HMG20A: variants seen among roughly 807,000 people sequenced by gnomAD.
The protein encoded by HMG20A is high mobility group 20A, also known as high mobility group protein 20A.
In HMG20A, 17 loss-of-function variants were observed where a neutral mutation model predicts 43.9. The observed-to-expected ratio is 0.39, with a 90% CI of 0.27 to 0.58. The LOEUF (loss-of-function observed/expected upper bound fraction) is 0.58, where lower values mean the gene tolerates loss of function less well. Ranked by LOEUF, HMG20A falls within the 20% of genes least tolerant of loss-of-function variation. The pLI, the probability that HMG20A is intolerant of heterozygous loss-of-function variation, is 0.59. For synonymous variants in HMG20A, 132 were observed against 147.5 expected (o/e 0.89, Z 0.76); for missense variants, 341 against 438.2 (o/e 0.78, Z 1.98).
At chr15:77,482,137 G>C (rs935694957) in intron 9 of HMG20A, 1 of 152,130 alleles carries the variant, frequency 6.6e-6, no homozygotes, top group African/African-American at 2.4e-5. Flanking sequence ...CTCATTCACT[G>C]GGTTTCTAAA....
downstream of HMG20A, among the ~76,000 whole-genome samples, chr15:77,487,102 G>A (rs2072949456): frequency 1.3e-5 from 2 of 152,194 alleles, no homozygotes. Context: ...ATGAGGAAAA[G>A]AGGGCAAGGA....
intron 4 of HMG20A, among the ~76,000 whole-genome samples, chr15:77,470,609 ATAACTC>A (rs766823500): frequency 2.6e-5 from 4 of 152,226 alleles, no homozygotes; most frequent in Non-Finnish European, 4.4e-5. Flanking sequence ...AGTTAGAAGA[ATAACTC>A]TAATCATCTT....
At chr15:77,490,229 A>T (rs745592256), downstream of HMG20A, among the ~76,000 whole-genome samples, 1 of 152,172 alleles carries the variant, frequency 6.6e-6, no homozygotes, top group Non-Finnish European at 1.5e-5. Flanking sequence ...TGGGGGTTGC[A>T]GTGAGCCAAG....
chr15:77,479,529 G>A (rs1292309069), intron 9 of HMG20A: 6 of 486,332 alleles, frequency 1.2e-5, no homozygotes, highest in African/African-American at 2.0e-5. Context: ...GGAGGCTGAG[G>A]TGGGAGGATT....
At chr15:77,480,863 C>T (rs2072900908) in intron 9 of HMG20A, among the ~76,000 whole-genome samples, 2 of 152,038 alleles carry the variant, frequency 1.3e-5, no homozygotes, top group South Asian at 4.2e-4. Flanking sequence ...AAACTGGCAT[C>T]CCTTTGCTCT....
At chr15:77,491,059 A>G in the HMG20A span, among the ~76,000 whole-genome samples, 2 of 152,260 alleles carry the variant, frequency 1.3e-5, no homozygotes, top group Non-Finnish European at 2.9e-5. Flanking sequence ...TAAAACTTGC[A>G]TCTGCATTTG....
At chr15:77,497,385 G>A in the HMG20A span, among the ~76,000 whole-genome samples, 2 of 152,192 alleles carry the variant, frequency 1.3e-5, no homozygotes, top group South Asian at 2.1e-4. Context: ...AGCAGCCCTC[G>A]GGCCATACCC....
intron 1 of HMG20A, among the ~76,000 whole-genome samples, chr15:77,433,106 TGCCTGTAACATCA>T (rs1238528771): frequency 1.3e-5 from 2 of 152,218 alleles, no homozygotes; most frequent in East Asian, 3.8e-4. Context: ...TGGTGGCTAA[TGCCTGTAACATCA>T]GCACTTCAGG....
chr15:77,437,763 G>A (rs1024135066), intron 1 of HMG20A, among the ~76,000 whole-genome samples: 2 of 152,018 alleles, frequency 1.3e-5, no homozygotes, highest in African/African-American at 4.8e-5. Context: ...TAGTAGAGAT[G>A]GGGTTTCACC....
chr15:77,458,012 T>G (rs988263384), intron 1 of HMG20A, among the ~76,000 whole-genome samples: 2 of 152,218 alleles, frequency 1.3e-5, no homozygotes, highest in Middle Eastern at 3.2e-3. Flanking sequence ...AGCAATTTTG[T>G]CTTAGTCTAA....
intron 1 of HMG20A, among the ~76,000 whole-genome samples, chr15:77,452,990 A>G (rs975238259): frequency 5.3e-5 from 8 of 152,194 alleles, no homozygotes; most frequent in African/African-American, 1.4e-4. Flanking sequence ...ACTTTGGGAG[A>G]CTGAGGTGGG....
chr15:77,456,543 G>T (rs890202110), intron 1 of HMG20A, among the ~76,000 whole-genome samples: 1 of 151,476 alleles, frequency 6.6e-6, no homozygotes, highest in East Asian at 1.9e-4. Context: ...TAGCTGGTGT[G>T]GTGGCACGTA....
chr15:77,496,570 G>T, the HMG20A span, among the ~76,000 whole-genome samples: 1 of 152,180 alleles, frequency 6.6e-6, no homozygotes, highest in Non-Finnish European at 1.5e-5. Context: ...TGGGACATTT[G>T]CTTTCTTCAG....
At chr15:77,465,278 A>AG (rs1237226155) in intron 3 of HMG20A, among the ~76,000 whole-genome samples, 15 of 150,394 alleles carry the variant, frequency 1.0e-4, no homozygotes, top group Admixed American at 9.9e-4. Context: ...AAAAAAAAAA[A>AG]AAAAAAAGAA....
intron 1 of HMG20A, among the ~76,000 whole-genome samples, chr15:77,421,821 T>C (rs922714653): frequency 6.6e-6 from 1 of 152,258 alleles, no homozygotes; most frequent in African/African-American, 2.4e-5. Flanking sequence ...AAAATTCTTA[T>C]GTGTAGCTTA....
intron 1 of HMG20A, among the ~76,000 whole-genome samples, chr15:77,430,241 A>G (rs907737164): frequency 1.3e-5 from 2 of 152,244 alleles, no homozygotes; most frequent in African/African-American, 2.4e-5. Flanking sequence ...TTTACATGAA[A>G]GAAAATTGAA....
the HMG20A span, among the ~76,000 whole-genome samples, chr15:77,499,393 C>T: frequency 5.3e-5 from 8 of 152,184 alleles, no homozygotes; most frequent in Non-Finnish European, 1.2e-4. Flanking sequence ...TTCCCAAACC[C>T]ACATTTTCTC....
chr15:77,470,106 G>C lies in HMG20A; in HGVS notation c.451-804G>C, dbSNP rs116230356. On this transcript the variant is annotated intron_variant, in intron 4 of 9. Coordinates refer to ENST00000336216, the MANE Select transcript of HMG20A (RefSeq NM_001304504.2). ...ACTTAATTATTTTGGTGCTTAAATT[G>C]TACCAGATTTGGCCAGTTGAGTATC... Among the ~76,000 whole-genome samples the C allele has an allele frequency of 7.3e-3, 1,105 of 152,214 alleles. 15 individuals carry two copies. The highest frequency in any genetic ancestry group is 0.025 in the African/African-American group (1,049 of 41,522).
chr15:77,500,873 C>T, the HMG20A span, among the ~76,000 whole-genome samples: 1 of 152,098 alleles, frequency 6.6e-6, no homozygotes, highest in African/African-American at 2.4e-5. Context: ...CTGGCCCTCC[C>T]TGTTCTTTTT....
Sources: gnomAD v4.1 joint callset for allele counts (sites outside exome capture counted in the v4.1 genomes callset) on GRCh38, gnomAD v4.1.1 for gene constraint, MANE v1.5 for transcripts, NCBI Gene and HGNC (gene_info 2026-07-23, HGNC 2026-07-21) for gene names.